Variants in LITAF observed in about 807,000 individuals in gnomAD.
LITAF encodes lipopolysaccharide induced TNF factor.
A neutral mutation model predicts 14.5 loss-of-function variants in LITAF; 9 were observed. The ratio of observed to expected loss-of-function variants is 0.62; its 90% CI spans 0.37 to 1.08. LITAF has a LOEUF of 1.08. Among genes scored for constraint, LITAF ranks in the 50% least tolerant of loss-of-function variants. LITAF has a pLI of 0.01. For synonymous variants in LITAF, 98 were observed against 88.2 expected (o/e 1.11, Z -0.62); for missense variants, 206 against 213.4 (o/e 0.97, Z 0.22).
rs76937179 is a variant in LITAF, at chr16:11,596,144, G to A, written c.-6+2244C>T. On this transcript the variant is annotated intron_variant, in intron 1 of 3. Transcript: ENST00000571627. ...AATTAATGGGTCAACCCTTCCCCTC[G>A]GGGTGTGGGACCATCCCAGAACTGG... 1.9e-3 allele frequency among the ~76,000 whole-genome samples: 289 copies of A among 152,164 alleles called. 2 individuals are homozygous for A. Among genetic ancestry groups the A allele is most frequent in the Middle Eastern group, 0.01 (3 of 294 alleles).
At chr16:11,625,139 A>T (rs1327302706) in intron 3 of LITAF, among the ~76,000 whole-genome samples, 3 of 152,122 alleles carry the variant, frequency 2.0e-5, no homozygotes, top group Non-Finnish European at 4.4e-5. Flanking sequence ...CTGGTTAGAG[A>T]TGACCAAAAG....
chr16:11,557,679 G>T (rs1392537933), intron 1 of LITAF, among the ~76,000 whole-genome samples: 1 of 152,114 alleles, frequency 6.6e-6, no homozygotes, highest in African/African-American at 2.4e-5. Flanking sequence ...TTGTACTCCT[G>T]GGGGCAAGTG....
rs1597329501 is a variant in LITAF at position 11,553,674 on chromosome 16, A to G, written c.236T>C (p.Val79Ala). 6.2e-7 allele frequency: 1 copy of G among 1,614,154 alleles called. No individual in the cohort carries two copies. The highest frequency in any genetic ancestry group is 8.5e-7 in the Non-Finnish European group (1 of 1,180,016). Reference protein sequence around the residue: ...PNNNPITVQTVYVQHPITFLD... With the variant: ...PNNNPITVQTAYVQHPITFLD... ...AAAGGTGATGGGGTGCTGCACGTAGACCGTCTGCACGGTAACTGATGAAAG... is the reference window on the plus strand; with the variant it reads ...AAAGGTGATGGGGTGCTGCACGTAGGCCGTCTGCACGGTAACTGATGAAAG... The change falls in exon 3 of 4, where the codon GTC (valine) becomes GCC (alanine). Residue 79 changes from valine (V) to alanine (A), a missense_variant. By Grantham distance (64) the Val-to-Ala change is moderately conservative (BLOSUM62 0). Transcript: ENST00000622633. The surrounding 1 kb of genome is among the most constrained non-coding windows in gnomAD (Gnocchi z 7.7).
chr16:11,614,087 A>T (rs1433043843), intron 3 of LITAF, among the ~76,000 whole-genome samples: 3 of 152,112 alleles, frequency 2.0e-5, no homozygotes, highest in Non-Finnish European at 4.4e-5. Context: ...GTGCAGGCTC[A>T]GAAGGATGTC....
chr16:11,590,688 T>G (rs967528595), upstream of LITAF, among the ~76,000 whole-genome samples: 4 of 118,292 alleles, frequency 3.4e-5, 1 homozygote, highest in Admixed American at 8.2e-5. Context: ...ATGGCAATAC[T>G]TCCCAAACTG....
intron 3 of LITAF, among the ~76,000 whole-genome samples, chr16:11,622,338 C>A (rs986948508): frequency 2.0e-5 from 3 of 152,262 alleles, no homozygotes; most frequent in Admixed American, 2.0e-4. Flanking sequence ...CGGCCTCCCC[C>A]TGCTCCCTGG....
upstream of LITAF, among the ~76,000 whole-genome samples, chr16:11,603,083 CA>C (rs1159288462): frequency 6.6e-6 from 1 of 152,164 alleles, no homozygotes; most frequent in Admixed American, 6.5e-5. Context: ...CACTGCATTC[CA>C]GCCTGGGCAA....
chr16:11,588,598 AGGGAGG>A, upstream of LITAF, among the ~76,000 whole-genome samples: 3 of 100,766 alleles, frequency 3.0e-5, no homozygotes, highest in Non-Finnish European at 7.0e-5. Flanking sequence ...GAAGGAAGGG[AGGGAGG>A]GAGGGAGAAG....
At chr16:11,576,338 G>A (rs2064632807) in intron 1 of LITAF, among the ~76,000 whole-genome samples, 1 of 152,024 alleles carries the variant, frequency 6.6e-6, no homozygotes. Flanking sequence ...GCAAGGTGGT[G>A]CATGCCTGTA....
At chr16:11,620,179 AAAAAGAAAAG>A (rs1186164396) in intron 3 of LITAF, among the ~76,000 whole-genome samples, 1 of 151,160 alleles carries the variant, frequency 6.6e-6, no homozygotes, top group Non-Finnish European at 1.5e-5. Context: ...AAAAAAAAAA[AAAAAGAAAAG>A]AAAAGAAAAA....
intron 3 of LITAF, among the ~76,000 whole-genome samples, chr16:11,619,303 T>G (rs1036031050): frequency 6.7e-6 from 1 of 148,466 alleles, no homozygotes; most frequent in African/African-American, 2.5e-5. Flanking sequence ...AAAGCAAGAC[T>G]TCGTCTCAAA....
At chr16:11,621,186 T>A (rs1156566904) in intron 3 of LITAF, among the ~76,000 whole-genome samples, 1 of 152,166 alleles carries the variant, frequency 6.6e-6, no homozygotes, top group Non-Finnish European at 1.5e-5. Context: ...TGCCTTAGCC[T>A]CCAGAGTAGC....
chr16:11,629,893 C>T (rs1196906769), intron 3 of LITAF, among the ~76,000 whole-genome samples: 2 of 152,178 alleles, frequency 1.3e-5, no homozygotes, highest in African/African-American at 4.8e-5. Flanking sequence ...GGCAAGTGCT[C>T]AACAAATCAT....
chr16:11,593,553 C>T (rs770666310), intron 1 of LITAF, among the ~76,000 whole-genome samples: 7 of 152,014 alleles, frequency 4.6e-5, no homozygotes, highest in Admixed American at 6.6e-5. Flanking sequence ...CAGCACTATT[C>T]CCAATAGTTA....
chr16:11,635,865 T>G (rs1220133763), exon 2 of LITAF: 1 of 152,092 alleles, frequency 6.6e-6, no homozygotes, highest in Non-Finnish European at 1.5e-5. Context: ...GGTGGCAGGG[T>G]TCCACACCTA....
chr16:11,639,837 ACACAAAAATTAGC>A (rs2065157622), upstream of LITAF, among the ~76,000 whole-genome samples: 1 of 152,106 alleles, frequency 6.6e-6, no homozygotes, highest in African/African-American at 2.4e-5. Context: ...TCTACTAAAA[ACACAAAAATTAGC>A]CAGGGCCTCT....
At chr16:11,583,229 A>G (rs972878899) in intron 1 of LITAF, among the ~76,000 whole-genome samples, 1 of 152,252 alleles carries the variant, frequency 6.6e-6, no homozygotes, top group African/African-American at 2.4e-5. Flanking sequence ...GGTATGTCCC[A>G]CAAGTCAAAG....
At chr16:11,582,287 G>C (rs1013993854) in intron 1 of LITAF, among the ~76,000 whole-genome samples, 3 of 100,182 alleles carry the variant, frequency 3.0e-5, no homozygotes, top group South Asian at 6.1e-4. Flanking sequence ...ACAAGAGCAA[G>C]ATATAGTGAA....
At chr16:11,610,493 C>G (rs1050200144) in intron 3 of LITAF, among the ~76,000 whole-genome samples, 1 of 152,122 alleles carries the variant, frequency 6.6e-6, no homozygotes, top group Non-Finnish European at 1.5e-5. Context: ...CAGCAGATAT[C>G]AGGATGGCTT....
Sources: allele counts gnomAD v4.1 joint callset (sites outside exome capture counted in the v4.1 genomes callset), GRCh38; gene constraint gnomAD v4.1.1; non-coding constraint Gnocchi (gnomAD v3.1); transcripts MANE v1.5; gene names NCBI Gene and HGNC (gene_info 2026-07-23, HGNC 2026-07-21).